AFF1: variants seen among roughly 807,000 people sequenced by gnomAD.
The protein encoded by AFF1 is AF4/FMR2 family member 1.
A neutral mutation model predicts 121.7 loss-of-function variants in AFF1; 48 were observed. The ratio of observed to expected loss-of-function variants is 0.39; its 90% CI spans 0.31 to 0.50. The LOEUF is 0.50. Among genes scored for constraint, AFF1 ranks in the 20% least tolerant of loss-of-function variants. The probability of loss-of-function intolerance (pLI) is 0.76; values close to 1 mark genes in which losing one functional copy is unlikely to be tolerated. For synonymous variants in AFF1, 613 were observed against 563.0 expected, an observed-to-expected ratio of 1.09 and a Z score of -1.26; for missense variants, 1,523 against 1,511.7, an observed-to-expected ratio of 1.01 and a Z score of -0.12.
chr4:86,980,002 C>T (rs1326684487), intron 2 of AFF1, among the ~76,000 whole-genome samples: 1 of 152,160 alleles, frequency 6.6e-6, no homozygotes, highest in Non-Finnish European at 1.5e-5. Flanking sequence ...CCTCTGCCTC[C>T]TGGGTTCAAG....
chr4:86,975,106 C>T (rs1291389387), intron 2 of AFF1, among the ~76,000 whole-genome samples: 2 of 152,092 alleles, frequency 1.3e-5, no homozygotes, highest in Non-Finnish European at 2.9e-5. Context: ...CTCTCTTGTG[C>T]ACCCTATAAT....
At chr4:87,030,729 A>C (rs1371960917) in intron 2 of AFF1, among the ~76,000 whole-genome samples, 1 of 152,046 alleles carries the variant, frequency 6.6e-6, no homozygotes, top group Non-Finnish European at 1.5e-5. Flanking sequence ...GGAAGTCTTG[A>C]AAACAGTGTA....
chr4:87,051,297 A>G (rs901314667), intron 4 of AFF1, among the ~76,000 whole-genome samples: 6 of 152,098 alleles, frequency 3.9e-5, no homozygotes, highest in African/African-American at 1.4e-4. Context: ...GAAGAGTTGT[A>G]ATTTGTCACC....
intron 1 of AFF1, among the ~76,000 whole-genome samples, chr4:86,944,185 T>C (rs1449772035): frequency 6.7e-6 from 1 of 149,984 alleles, no homozygotes. Context: ...TGTGTGGAAT[T>C]GCCCCAGCAC....
chr4:87,032,791 T>TC lies in AFF1; in HGVS notation c.39-13375_39-13374insC, dbSNP rs1236189829. 3.3e-5 allele frequency among the ~76,000 whole-genome samples: 5 copies of TC among 151,996 alleles called. 1 individual carries two copies. Among genetic ancestry groups the TC allele is most frequent in the African/African-American group, 7.2e-5 (3 of 41,390 alleles). On this transcript the variant is annotated intron_variant, in intron 2 of 20. Coordinates refer to ENST00000395146, the MANE Select transcript of AFF1 (RefSeq NM_001166693.3). ...GTGGAGAGTGGAGGAGCCCTACAAT[T>TC]TTTTTTTGGTTTATTCAGTAATTGA... is the stretch of plus-strand genomic sequence containing the variant.
chr4:87,091,500 A>G (rs1724307921), intron 6 of AFF1, among the ~76,000 whole-genome samples: 1 of 152,272 alleles, frequency 6.6e-6, no homozygotes, highest in South Asian at 2.1e-4. Flanking sequence ...GCAACAACAA[A>G]GGAAAAATAA....
At chr4:87,071,622 CA>C (rs1327850825) in intron 4 of AFF1, among the ~76,000 whole-genome samples, 1 of 152,150 alleles carries the variant, frequency 6.6e-6, no homozygotes, top group East Asian at 1.9e-4. Flanking sequence ...GGCTGTGTGC[CA>C]GGTGGATGAA....
intron 16 of AFF1, among the ~76,000 whole-genome samples, chr4:87,130,109 G>A (rs1229098217): frequency 6.6e-6 from 1 of 150,708 alleles, no homozygotes; most frequent in African/African-American, 2.5e-5. Context: ...CAAGTAGCTG[G>A]GATTACAGGC....
intron 12 of AFF1, among the ~76,000 whole-genome samples, chr4:87,118,351 T>C (rs1727334429): frequency 6.6e-6 from 1 of 152,190 alleles, no homozygotes; most frequent in African/African-American, 2.4e-5. Context: ...GAACAATGCA[T>C]GAGGAAAAGT....
At chr4:87,032,847 GTTCAACAATAAATGT>G (rs1487566617) in intron 2 of AFF1, among the ~76,000 whole-genome samples, 2 of 152,094 alleles carry the variant, frequency 1.3e-5, no homozygotes, top group African/African-American at 4.8e-5. Flanking sequence ...TGTGTACTCA[GTTCAACAATAAATGT>G]TTCAAGCTGT....
At chr4:86,968,006 G>A (rs1722653656) in intron 2 of AFF1, among the ~76,000 whole-genome samples, 1 of 152,196 alleles carries the variant, frequency 6.6e-6, no homozygotes, top group Non-Finnish European at 1.5e-5. Flanking sequence ...AAGTAGCAGA[G>A]AAGGCTTAGT....
chr4:87,034,519 C>T (rs567063191), intron 2 of AFF1, among the ~76,000 whole-genome samples: 89 of 152,300 alleles, frequency 5.8e-4, no homozygotes, highest in African/African-American at 2.0e-3. Context: ...CTAGAGGTAG[C>T]TTTCTAAAAT....
chr4:87,101,216 T>C (rs1388336549), intron 8 of AFF1, among the ~76,000 whole-genome samples: 1 of 152,130 alleles, frequency 6.6e-6, no homozygotes, highest in Admixed American at 6.6e-5. Flanking sequence ...CACCATCTCT[T>C]AGAATGCACG....
chr4:86,963,368 T>C (rs947341949), intron 2 of AFF1, among the ~76,000 whole-genome samples: 1 of 152,104 alleles, frequency 6.6e-6, no homozygotes, highest in Non-Finnish European at 1.5e-5. Flanking sequence ...GAGCCTTTGA[T>C]GTCAAAAGTG....
chr4:86,980,960 A>G (rs999111513), intron 2 of AFF1, among the ~76,000 whole-genome samples: 4 of 85,374 alleles, frequency 4.7e-5, no homozygotes, highest in African/African-American at 1.8e-4. Context: ...CCCCCCCTCC[A>G]CCAAAAAAAA....
chr4:86,949,830 A>G (rs1399150573), intron 2 of AFF1: 4 of 1,613,918 alleles, frequency 2.5e-6, no homozygotes, highest in Non-Finnish European at 2.5e-6. Flanking sequence ...AAACCGATCC[A>G]GGACCCCACC....
intron 11 of AFF1, among the ~76,000 whole-genome samples, chr4:87,112,593 T>A (rs1279813186): frequency 6.6e-6 from 1 of 152,252 alleles, no homozygotes; most frequent in African/African-American, 2.4e-5. Context: ...AAAGCCTTTA[T>A]GTCATAGCCA....
At chr4:86,951,628 T>TTTC (rs1553908206) in intron 2 of AFF1, among the ~76,000 whole-genome samples, 1,234 of 64,344 alleles carry the variant, frequency 0.019, 37 homozygotes, top group African/African-American at 0.041. Flanking sequence ...TTTTTCTTTT[T>TTTC]TTTTTTTTTT....
chr4:87,126,552 T>C (rs1234100127), intron 14 of AFF1, among the ~76,000 whole-genome samples: 2 of 152,222 alleles, frequency 1.3e-5, no homozygotes, highest in African/African-American at 4.8e-5. Flanking sequence ...TTACAGTGAT[T>C]TCAGAGGTGA....
Sources: allele counts gnomAD v4.1 joint callset (sites outside exome capture counted in the v4.1 genomes callset), GRCh38; gene constraint gnomAD v4.1.1; transcripts MANE v1.5; gene names NCBI Gene and HGNC (gene_info 2026-07-23, HGNC 2026-07-21).